Variants in SARAF observed in about 807,000 individuals in gnomAD.
SARAF encodes store-operated calcium entry-associated regulatory factor.
A neutral mutation model predicts 39.7 loss-of-function variants in SARAF; 23 were observed. The ratio of observed to expected loss-of-function variants is 0.58; its 90% CI spans 0.42 to 0.82. The LOEUF (loss-of-function observed/expected upper bound fraction) is 0.82, where lower values mean the gene tolerates loss of function less well. SARAF is among the 40% of genes least tolerant of loss of function. SARAF has a pLI of 0.00. For synonymous variants in SARAF, 175 were observed against 168.5 expected (o/e 1.04, Z -0.30); for missense variants, 384 against 418.5 (o/e 0.92, Z 0.72).
chr8:30,069,602 C>G, intron 3 of SARAF, 40 bp downstream of exon 3: 1 of 1,586,378 alleles, frequency 6.3e-7, no homozygotes, highest in Admixed American at 1.7e-5. Context: ...GCACTAACCT[C>G]ACACCCGCTC....
chr8:30,064,549 A>ATTTTTTTTTTTTTTTTTTTTT (rs1285474401), intron 5 of SARAF, among the ~76,000 whole-genome samples: 1 of 43,826 alleles, frequency 2.3e-5, no homozygotes, highest in African/African-American at 1.1e-4. Flanking sequence ...ATATATATAT[A>ATTTTTTTTTTTTTTTTTTTTT]TATATATATA....
chr8:30,068,602 G>T (rs1231217401), intron 3 of SARAF, among the ~76,000 whole-genome samples: 1 of 72,652 alleles, frequency 1.4e-5, no homozygotes, highest in Non-Finnish European at 2.4e-5. Context: ...TGGAAAAATT[G>T]TCTTCCACAA....
At position 30,066,115 on chromosome 8, in the gene SARAF, C is replaced by T. The variant is rs376454705; in HGVS notation, c.867G>A (p.Ser289=). The change falls in exon 5 of 6, where the codon TCG becomes TCA. Residue 289 remains serine (S), a synonymous_variant. Coordinates refer to ENST00000256255, the MANE Select transcript of SARAF (RefSeq NM_016127.6). ...SNRAATPFSD[S]WYYPSYPPSY... is the part of the protein sequence containing the mutation. ...AGGGAGGATAGGACGGGTAGTACCA[C>T]GAGTCTGAGAAGGGTGTTGCCGCTC... 115 of 1,614,052 alleles carry T rather than the reference C, an allele frequency of 7.1e-5. 5 individuals carry two copies. The highest frequency in any genetic ancestry group is 4.2e-4 in the East Asian group (19 of 44,874).
intron 3 of SARAF, among the ~76,000 whole-genome samples, chr8:30,069,273 G>A (rs2117426156): frequency 6.6e-6 from 1 of 150,982 alleles, no homozygotes; most frequent in South Asian, 2.1e-4. Context: ...CCAAGCAGCT[G>A]GAATCACAGG....
intron 2 of SARAF, among the ~76,000 whole-genome samples, chr8:30,071,178 G>A (rs1162434685): frequency 6.6e-6 from 1 of 152,040 alleles, no homozygotes; most frequent in Non-Finnish European, 1.5e-5. Context: ...CCATCTCTAC[G>A]AAAAATACAA....
At chr8:30,078,776 G>A (rs1329042830) in intron 1 of SARAF, among the ~76,000 whole-genome samples, 1 of 152,060 alleles carries the variant, frequency 6.6e-6, no homozygotes, top group Non-Finnish European at 1.5e-5. Flanking sequence ...GGGTTTTTTG[G>A]GGAAAGAAAT....
At chr8:30,075,991 C>CAAAAAA (rs1300124776) in intron 1 of SARAF, among the ~76,000 whole-genome samples, 1 of 30,968 alleles carries the variant, frequency 3.2e-5, no homozygotes, top group Non-Finnish European at 7.3e-5. Flanking sequence ...TAAAAAAAAA[C>CAAAAAA]AAAAAAAAAA....
rs769526619 is a variant in SARAF, at chr8:30,073,889, C to A, written c.270G>T (p.Gly90=). 15 of 1,613,930 alleles carry A rather than the reference C, an allele frequency of 9.3e-6. No homozygotes were observed. Among genetic ancestry groups the A allele is most frequent in the Non-Finnish European group, 2.5e-6 (3 of 1,179,928 alleles). The change falls in exon 2 of 6, where the codon GGG becomes GGT. Residue 90 remains glycine (G), a synonymous_variant. Transcript: ENST00000256255. ...VIQCQNKGWD[G]YDVQWECKTD... ...TAGTGGATATTACCTGTACATCATA[C>A]CCATCCCAGCCTTTGTTCTGACACT...
At chr8:30,071,822 A>G (rs1275983706) in intron 2 of SARAF, among the ~76,000 whole-genome samples, 1 of 38,272 alleles carries the variant, frequency 2.6e-5, no homozygotes, top group Non-Finnish European at 5.5e-5. Flanking sequence ...ATTTCTTTGC[A>G]TGGATATACC....
chr8:30,065,811 T>C, intron 5 of SARAF, 177 bp downstream of exon 5: 1 of 717,294 alleles, frequency 1.4e-6, no homozygotes, highest in Non-Finnish European at 2.3e-6. Context: ...ATCAAATCCC[T>C]GTTTGATTTT....
chr8:30,066,632 T>G, intron 4 of SARAF, 145 bp downstream of exon 4: 1 of 967,748 alleles, frequency 1.0e-6, no homozygotes, highest in East Asian at 2.6e-5. Flanking sequence ...AAATATAGTG[T>G]ACCTTCCCCC....
At chr8:30,064,781 T>G (rs1006016751) in intron 5 of SARAF, among the ~76,000 whole-genome samples, 41 of 151,840 alleles carry the variant, frequency 2.7e-4, no homozygotes, top group African/African-American at 9.7e-4. Context: ...CAGGCTAGTC[T>G]CGAACTCCTG....
chr8:30,080,945 G>A (rs1802084364), intron 1 of SARAF, among the ~76,000 whole-genome samples: 1 of 152,170 alleles, frequency 6.6e-6, no homozygotes, highest in South Asian at 2.1e-4. Flanking sequence ...TTCAAGACCA[G>A]CCTGACCAAC....
At chr8:30,080,512 C>A (rs1466187802) in intron 1 of SARAF, among the ~76,000 whole-genome samples, 1 of 152,210 alleles carries the variant, frequency 6.6e-6, no homozygotes, top group East Asian at 1.9e-4. Context: ...CCAATTTTCA[C>A]AATATAGCAT....
Position 30,069,711 on chromosome 8 carries a change from A to G in SARAF, c.631T>C (p.Ser211Pro), listed in dbSNP as rs923668954. 3 of 1,613,940 alleles carry G rather than the reference A, an allele frequency of 1.9e-6. No homozygotes were observed. The highest frequency in any genetic ancestry group is 2.7e-5 in the African/African-American group (2 of 74,854). Reference protein sequence around the residue: ...PPPYSEYPPFSHRYQRFTNSA... With the variant: ...PPPYSEYPPFPHRYQRFTNSA... ...TTGGTGAATCTCTGGTAACGGTGGG[A>G]AAATGGAGGATACTCAGAGTACGGT... Residue 211 changes from serine to proline, a missense_variant, in exon 3 of 6, where the codon TCC becomes CCC. Ser to Pro is a moderately conservative substitution (Grantham distance 74). Transcript: ENST00000256255.
At chr8:30,070,129 G>A (rs1801803796) in intron 2 of SARAF, 70 bp from the exon 3 acceptor site, 2 of 1,382,592 alleles carry the variant, frequency 1.4e-6, no homozygotes, top group South Asian at 1.4e-5. Context: ...TTACTTGGGG[G>A]CCGGGCGCAG....
At chr8:30,082,635 C>T (rs1802132427) in intron 1 of SARAF, 1 of 463,586 alleles carries the variant, frequency 2.2e-6, no homozygotes, top group Non-Finnish European at 3.8e-6. Context: ...GCCGTCCCGC[C>T]CCGCCCACTC....
At position 30,072,217 on chromosome 8, in the gene SARAF, TG is replaced by T. The variant is rs1801863754; in HGVS notation, c.282+1659del. 2.6e-5 allele frequency among the ~76,000 whole-genome samples: 4 copies of T among 152,368 alleles called. No homozygotes were observed. The South Asian group carries it at 8.3e-4, about 32-fold the overall frequency. ...GGCTAATAATAAGGAACACTTTTCATGTGCTTATTTATTACTTATATATCTT... is the reference window on the plus strand; with the variant it reads ...GGCTAATAATAAGGAACACTTTTCATTGCTTATTTATTACTTATATATCTT... On this transcript the variant is annotated intron_variant, in intron 2 of 5. Coordinates refer to ENST00000256255, the MANE Select transcript of SARAF (RefSeq NM_016127.6).
At chr8:30,071,679 G>A (rs1801849111) in intron 2 of SARAF, among the ~76,000 whole-genome samples, 1 of 152,144 alleles carries the variant, frequency 6.6e-6, no homozygotes, top group African/African-American at 2.4e-5. Flanking sequence ...TTCCCTAAAT[G>A]GACAGTTCAC....
Sources: allele counts gnomAD v4.1 joint callset (sites outside exome capture counted in the v4.1 genomes callset), GRCh38; gene constraint gnomAD v4.1.1; transcripts MANE v1.5; gene names NCBI Gene and HGNC (gene_info 2026-07-23, HGNC 2026-07-21).